The following ARHGAP24 variants were observed in gnomAD, a reference collection of about 807,000 sequenced individuals.
The protein encoded by ARHGAP24 is Rho GTPase activating protein 24.
In ARHGAP24, 50 loss-of-function variants were observed where a neutral mutation model predicts 76.4. The observed-to-expected ratio is 0.65, with a 90% confidence interval of 0.52 to 0.83. ARHGAP24 has a LOEUF of 0.83. ARHGAP24 is among the 40% of genes least tolerant of loss of function. ARHGAP24 has a pLI of 0.00. For missense variants in ARHGAP24, 930 were observed against 914.2 expected (o/e 1.02, Z -0.22); for synonymous variants, 345 against 323.3 (o/e 1.07, Z -0.72).
chr4:85,694,404 G>A lies in ARHGAP24; in HGVS notation c.181-27481G>A, dbSNP rs80215107. On this transcript the variant is annotated intron_variant, in intron 2 of 9. Transcript: ENST00000395184. ...TCAAAAATTCACTCATCAGCCAAAC[G>A]TAAGCTCTAGTGGAGTAGGACCTTT... 9.4e-3 allele frequency among the ~76,000 whole-genome samples: 1,437 copies of A among 152,130 alleles called. 9 individuals carry two copies. Among genetic ancestry groups the A allele is most frequent in the African/African-American group, 0.018 (745 of 41,498 alleles).
intron 3 of ARHGAP24, among the ~76,000 whole-genome samples, chr4:85,910,829 C>G (rs1735034395): frequency 6.6e-6 from 1 of 152,084 alleles, no homozygotes; most frequent in Non-Finnish European, 1.5e-5. Flanking sequence ...CACTCCTGTC[C>G]CTCGGTGAGA....
At chr4:85,797,339 AT>A (rs945842632) in intron 3 of ARHGAP24, among the ~76,000 whole-genome samples, 4 of 151,652 alleles carry the variant, frequency 2.6e-5, no homozygotes, top group African/African-American at 9.7e-5. Flanking sequence ...CGCCCAGCTA[AT>A]TTTTTTGTAT....
intron 1 of ARHGAP24, among the ~76,000 whole-genome samples, chr4:85,515,551 C>T (rs187309607): frequency 6.6e-6 from 1 of 151,952 alleles, no homozygotes; most frequent in Admixed American, 6.6e-5. Flanking sequence ...TATACACACT[C>T]AGCTGTCTCT....
intron 2 of ARHGAP24, among the ~76,000 whole-genome samples, chr4:85,590,943 T>G (rs1171187703): frequency 1.3e-5 from 2 of 151,876 alleles, no homozygotes; most frequent in Non-Finnish European, 2.9e-5. Context: ...ACCATCAGTC[T>G]TAGTTTTCAT....
intron 2 of ARHGAP24, among the ~76,000 whole-genome samples, chr4:85,696,917 C>T (rs954277263): frequency 6.6e-6 from 1 of 152,060 alleles, no homozygotes; most frequent in African/African-American, 2.4e-5. Context: ...AAAAAAGAGG[C>T]ATTGAAAGGG....
chr4:85,820,440 C>T (rs56305839), intron 3 of ARHGAP24, among the ~76,000 whole-genome samples: 33,027 of 151,900 alleles, frequency 0.22, 4,787 homozygotes, highest in Non-Finnish European at 0.33. Flanking sequence ...ACACTGAGTA[C>T]ATATGGACAC....
At chr4:85,488,219 C>T (rs1377899481) in intron 1 of ARHGAP24, among the ~76,000 whole-genome samples, 1 of 151,574 alleles carries the variant, frequency 6.6e-6, no homozygotes, top group East Asian at 1.9e-4. Flanking sequence ...CTGCTCCCTC[C>T]GACTTTTTTT....
intron 3 of ARHGAP24, among the ~76,000 whole-genome samples, chr4:85,860,300 C>T (rs1207161541): frequency 6.6e-6 from 1 of 152,028 alleles, no homozygotes; most frequent in African/African-American, 2.4e-5. Context: ...CCCACGAGGG[C>T]TCACTCATAT....
chr4:85,476,710 C>T (rs1370608881), intron 1 of ARHGAP24, among the ~76,000 whole-genome samples: 19 of 152,070 alleles, frequency 1.2e-4, no homozygotes, highest in Admixed American at 1.2e-3. Context: ...AACTCAAAAC[C>T]AATCCTTCAG....
chr4:85,948,846 T>C (rs1333919859), intron 5 of ARHGAP24, among the ~76,000 whole-genome samples: 3 of 152,182 alleles, frequency 2.0e-5, no homozygotes, highest in East Asian at 3.9e-4. Context: ...TGTCTTTTTT[T>C]CCTATGGCCA....
chr4:85,655,213 A>G (rs797017397), intron 2 of ARHGAP24, among the ~76,000 whole-genome samples: 3 of 152,280 alleles, frequency 2.0e-5, no homozygotes, highest in African/African-American at 7.2e-5. Flanking sequence ...TTGGGAGCAT[A>G]GGGTGATAAA....
chr4:85,675,095 A>G (rs139688528), intron 2 of ARHGAP24, among the ~76,000 whole-genome samples: 22 of 152,346 alleles, frequency 1.4e-4, no homozygotes, highest in African/African-American at 5.3e-4. Context: ...GGTGAGGAAA[A>G]AACAAGCAAG....
chr4:85,728,232 CAAAAAAAAAA>C (rs143928362), intron 3 of ARHGAP24, among the ~76,000 whole-genome samples: 1 of 90,560 alleles, frequency 1.1e-5, no homozygotes, highest in Non-Finnish European at 2.4e-5. Flanking sequence ...ATCCTTTTGC[CAAAAAAAAAA>C]AAAAAAAAAA....
At chr4:85,797,696 A>C (rs1728421423) in intron 3 of ARHGAP24, among the ~76,000 whole-genome samples, 1 of 152,222 alleles carries the variant, frequency 6.6e-6, no homozygotes, top group Non-Finnish European at 1.5e-5. Flanking sequence ...TCTTCTTGTC[A>C]ATTGTCACAA....
At position 85,774,669 on chromosome 4, in the gene ARHGAP24, C is replaced by G. The variant is rs573739125; in HGVS notation, c.268+52697C>G. ...ATCTGGCCTTTGTGTTAATACAATTCGAAAGGTTACAGGTATCTTATGTAG... is the reference window on the plus strand; with the variant it reads ...ATCTGGCCTTTGTGTTAATACAATTGGAAAGGTTACAGGTATCTTATGTAG... On this transcript the variant is annotated intron_variant, in intron 3 of 9. Transcript: ENST00000395184. 3.1e-4 allele frequency among the ~76,000 whole-genome samples: 47 copies of G among 152,224 alleles called. 1 individual carries two copies. Among genetic ancestry groups the G allele is most frequent in the Middle Eastern group, 6.8e-3 (2 of 294 alleles).
chr4:85,598,481 G>C (rs1719914807), intron 2 of ARHGAP24, among the ~76,000 whole-genome samples: 1 of 152,012 alleles, frequency 6.6e-6, no homozygotes, highest in Admixed American at 6.6e-5. Flanking sequence ...TGGCAGAGCT[G>C]AAAGTGCATG....
At chr4:85,812,248 G>A (rs1380288973) in intron 3 of ARHGAP24, among the ~76,000 whole-genome samples, 1 of 152,092 alleles carries the variant, frequency 6.6e-6, no homozygotes, top group Admixed American at 6.6e-5. Context: ...AAGTAAGTGA[G>A]AACCTGTCAC....
intron 4 of ARHGAP24, 144 bp from the exon 5 acceptor site, chr4:85,941,922 T>G: frequency 1.3e-6 from 1 of 795,064 alleles, no homozygotes; most frequent in East Asian, 2.7e-5. Context: ...TGAATTTGAT[T>G]GTATAATAAT....
chr4:85,517,130 G>A (rs1224457911), intron 1 of ARHGAP24, among the ~76,000 whole-genome samples: 1 of 152,044 alleles, frequency 6.6e-6, no homozygotes, highest in Non-Finnish European at 1.5e-5. Context: ...TGGTCTATCC[G>A]CCTATACCTG....
Sources: allele counts gnomAD v4.1 joint callset (sites outside exome capture counted in the v4.1 genomes callset), GRCh38; gene constraint gnomAD v4.1.1; transcripts MANE v1.5; gene names NCBI Gene and HGNC (gene_info 2026-07-23, HGNC 2026-07-21).